The following ZNF831 variants were observed in gnomAD, a reference collection of about 807,000 sequenced individuals.
The protein encoded by ZNF831 is zinc finger protein 831, also known as chromosome 20 open reading frame 174.
In ZNF831, 59 loss-of-function variants were observed where a neutral mutation model predicts 95.8. The ratio of observed to expected loss-of-function variants is 0.62; its 90% CI spans 0.50 to 0.77. ZNF831 has a LOEUF of 0.77. Among genes scored for constraint, ZNF831 ranks in the 30% least tolerant of loss-of-function variants. The pLI, the probability that ZNF831 is intolerant of heterozygous loss-of-function variation, is 0.00. For missense variants in ZNF831, 2,205 were observed against 2,164.0 expected (o/e 1.02, Z -0.38); for synonymous variants, 961 against 925.5 (o/e 1.04, Z -0.70).
At chr20:59,172,411 C>T (rs115675858) in intron 1 of ZNF831, among the ~76,000 whole-genome samples, 49 of 152,332 alleles carry the variant, frequency 3.2e-4, no homozygotes, top group African/African-American at 1.1e-3. Flanking sequence ...GTGTCCCCTA[C>T]AGCTCTTCCT....
In ZNF831 at chr20:59,191,124, G is replaced by T. The variant is rs2146542942; in HGVS notation, c.105G>T (p.Leu35=). The T allele has an allele frequency of 6.3e-7, 1 of 1,597,512 alleles. No homozygotes were observed. The change falls in exon 2 of 6, where the codon CTG becomes CTT. Residue 35 remains leucine, a synonymous_variant. Transcript: ENST00000371030. The part of the protein sequence containing the change: ...GAPGGQASPH[L]TLGPVLLPPE... ...CAGGTGGCCAGGCCTCACCTCACCTGACCCTGGGCCCTGTCCTTCTGCCGC... is the reference window on the plus strand; with the variant it reads ...CAGGTGGCCAGGCCTCACCTCACCTTACCCTGGGCCCTGTCCTTCTGCCGC...
intron 1 of ZNF831, among the ~76,000 whole-genome samples, chr20:59,188,361 T>C (rs1213207606): frequency 6.6e-6 from 1 of 152,230 alleles, no homozygotes; most frequent in Non-Finnish European, 1.5e-5. Flanking sequence ...CCATGGTTGG[T>C]GTGAAGTCCT....
chr20:59,254,176 T>C lies in ZNF831; in HGVS notation c.4467T>C (p.Ser1489=), dbSNP rs1442336404. ...TTCCCCACCATGACATTGCTACCTC[T>C]GTGGCTGCCGTTTGTATTTCTCTGC... ...GTFPHHDIAT[S]VAAVCISLPV... is the part of the protein sequence containing the mutation. Residue 1489 remains serine (S), a synonymous_variant, in exon 6 of 6, where the codon TCT becomes TCC. Coordinates refer to ENST00000371030, the MANE Select transcript of ZNF831 (RefSeq NM_178457.3). This position sits in a 1 kb window ranked among gnomAD's most constrained non-coding sequence, Gnocchi z 4.5. The C allele has an allele frequency of 1.9e-6, 3 of 1,614,002 alleles. No homozygotes were observed. The highest frequency in any genetic ancestry group is 2.5e-6 in the Non-Finnish European group (3 of 1,180,032).
intron 4 of ZNF831, among the ~76,000 whole-genome samples, chr20:59,215,976 G>T (rs187617673): frequency 1.3e-5 from 2 of 152,168 alleles, no homozygotes; most frequent in African/African-American, 4.8e-5. Flanking sequence ...GGAAGTGTTA[G>T]GGAAGCATTC....
At chr20:59,188,002 C>T (rs766836002) in intron 1 of ZNF831, among the ~76,000 whole-genome samples, 2 of 152,166 alleles carry the variant, frequency 1.3e-5, no homozygotes, top group Admixed American at 6.5e-5. Context: ...TGGCTGATTA[C>T]GATTCTACGG....
At chr20:59,177,778 G>A (rs552474504) in intron 1 of ZNF831, among the ~76,000 whole-genome samples, 1 of 152,326 alleles carries the variant, frequency 6.6e-6, no homozygotes, top group East Asian at 1.9e-4. Flanking sequence ...CAGAAGCAGA[G>A]CAGAAGCGTG....
At chr20:59,215,765 T>G (rs552267475) in intron 4 of ZNF831, among the ~76,000 whole-genome samples, 29 of 152,328 alleles carry the variant, frequency 1.9e-4, no homozygotes, top group South Asian at 1.0e-3. Context: ...TAGGTGCACT[T>G]ACAAAAAAAC....
chr20:59,220,900 G>A (rs1986032582), intron 4 of ZNF831, among the ~76,000 whole-genome samples: 1 of 152,074 alleles, frequency 6.6e-6, no homozygotes, highest in African/African-American at 2.4e-5. Flanking sequence ...CTAGTTCTTT[G>A]GGCAAAATTT....
At position 59,254,308 on chromosome 20, in the gene ZNF831, C is replaced by A. The variant is rs2146767597; in HGVS notation, c.4599C>A (p.Val1533=). The A allele has an allele frequency of 6.2e-7, 1 of 1,614,060 alleles. No homozygotes were observed. The highest frequency in any genetic ancestry group is 8.5e-7 in the Non-Finnish European group (1 of 1,179,986). ...TLTSSSPDSK[V]TEEGRAQTLL... ...CATCAAGCTCCCCAGACAGCAAAGT[C>A]ACAGAAGAGGGCAGAGCACAGACCC... is the stretch of plus-strand genomic sequence containing the variant. Residue 1533 remains valine (V), a synonymous_variant, in exon 6 of 6, where the codon GTC becomes GTA. Transcript: ENST00000371030. The surrounding 1 kb of genome is among the most constrained non-coding windows in gnomAD (Gnocchi z 4.5).
At chr20:59,123,736 T>C (rs752955435) in intron 1 of ZNF831, among the ~76,000 whole-genome samples, 1 of 152,152 alleles carries the variant, frequency 6.6e-6, no homozygotes, top group African/African-American at 2.4e-5. Context: ...GGGAGTGGGC[T>C]ACCCATTAAT....
chr20:59,197,137 A>T (rs1294408591), intron 3 of ZNF831, among the ~76,000 whole-genome samples: 1 of 151,590 alleles, frequency 6.6e-6, no homozygotes, highest in East Asian at 1.9e-4. Flanking sequence ...CAAATTCCTA[A>T]CTTTCCCCTG....
At chr20:59,180,288 A>G (rs1982510004) in intron 1 of ZNF831, among the ~76,000 whole-genome samples, 1 of 152,048 alleles carries the variant, frequency 6.6e-6, no homozygotes, top group South Asian at 2.1e-4. Flanking sequence ...GGGTCTCACT[A>G]TGTTGCCCAG....
In ZNF831 at chr20:59,193,685, C is replaced by A. The variant is rs1983819021; in HGVS notation, c.2666C>A (p.Ala889Asp). The A allele has an allele frequency of 6.2e-7, 1 of 1,613,044 alleles. No individual in the cohort carries two copies. Among genetic ancestry groups the A allele is most frequent in the Non-Finnish European group, 8.5e-7 (1 of 1,179,756 alleles). The change falls in exon 2 of 6, where the codon GCT (alanine) becomes GAT (aspartate). Residue 889 changes from alanine (A) to aspartate (D), a missense_variant. Coordinates refer to ENST00000371030, the MANE Select transcript of ZNF831 (RefSeq NM_178457.3). ...PLESSGASLA[A>D]ASVALKRVGP... is the part of the protein sequence containing the mutation. ...GAGTCCTCTGGAGCCTCCTTGGCTG[C>A]TGCTTCTGTTGCCCTGAAGAGGGTG...
intron 4 of ZNF831, 104 bp downstream of exon 4, chr20:59,207,160 C>T: frequency 1.4e-6 from 2 of 1,420,140 alleles, no homozygotes; most frequent in Non-Finnish European, 1.9e-6. Context: ...CCCCAAGTGC[C>T]ACAGGGGTCA....
Position 59,193,562 on chromosome 20 carries a change from CG to C in ZNF831, c.2544del (p.Gln849SerfsTer46). On this transcript the variant is annotated frameshift_variant, in exon 2 of 6. Transcript: ENST00000371030. LOFTEE classifies it high-confidence loss of function. Reference protein sequence around the residue: ...PVSAETPGGPTQPASLSSQKQ... With the variant: ...PVSAETPGGPXQPASLSSQKQ... Reference sequence around the variant, plus strand: ...AGCGCAGAGACCCCAGGTGGGCCCACGCAGCCTGCCTCTTTGTCATCCCAGA... The same window carrying C: ...AGCGCAGAGACCCCAGGTGGGCCCACCAGCCTGCCTCTTTGTCATCCCAGA... 6.2e-7 allele frequency: 1 copy of C among 1,605,706 alleles called. No homozygotes were observed. The highest frequency in any genetic ancestry group is 8.5e-7 in the Non-Finnish European group (1 of 1,176,180).
In ZNF831 at chr20:59,194,674, G is replaced by A. The variant is rs763744534; in HGVS notation, c.3655G>A (p.Glu1219Lys). 15 of 1,612,830 alleles carry A rather than the reference G, an allele frequency of 9.3e-6. No individual in the cohort carries two copies. The highest frequency in any genetic ancestry group is 1.3e-5 in the Non-Finnish European group (15 of 1,179,552). ...CTTTCCTGGTAGCAGCCTCCGAGATGAGGGTCCCAATGGCCCTCCTGGGAG... is the reference window on the plus strand; with the variant it reads ...CTTTCCTGGTAGCAGCCTCCGAGATAAGGGTCCCAATGGCCCTCCTGGGAG... ...VHFPGSSLRDEGPNGPPGSNG... is the reference protein window; with the variant it reads ...VHFPGSSLRDKGPNGPPGSNG... The change falls in exon 2 of 6, where the codon GAG (glutamate) becomes AAG (lysine). Residue 1219 changes from glutamate (E) to lysine (K), a missense_variant. Transcript: ENST00000371030.
At chr20:59,155,572 T>C (rs1400489069) in intron 2 of ZNF831, among the ~76,000 whole-genome samples, 1 of 152,216 alleles carries the variant, frequency 6.6e-6, no homozygotes. Flanking sequence ...TGCTAAATCT[T>C]ACTGGGAATG....
rs1988144934 is a variant in ZNF831, at chr20:59,255,654, G to T, written c.*911G>T. 1 of 152,176 alleles carries T rather than the reference G, an allele frequency of 6.6e-6. No homozygotes were observed. The highest frequency in any genetic ancestry group is 6.5e-5 in the Admixed American group (1 of 15,284). The allele number at this position is 152,176 out of a possible 1,614,324, so 9.4% of individuals were successfully genotyped here. A position where few individuals can be genotyped will look rare whatever the true frequency, so the allele number is the denominator to read the frequency against. Reference sequence around the variant, plus strand: ...ATTTCAATTAGAGGGTTACATTTTAGTAATCTGTACAGCTTCAACTGATGC... The same window carrying T: ...ATTTCAATTAGAGGGTTACATTTTATTAATCTGTACAGCTTCAACTGATGC... On this transcript the variant is annotated 3_prime_UTR_variant, in exon 6 of 6. Transcript: ENST00000371030.
chr20:59,134,297 G>A (rs1293524756), intron 1 of ZNF831, among the ~76,000 whole-genome samples: 2 of 152,174 alleles, frequency 1.3e-5, no homozygotes, highest in African/African-American at 4.8e-5. Flanking sequence ...TTGTGTCCTT[G>A]TTCGGTTATT....
Sources: allele counts gnomAD v4.1 joint callset (sites outside exome capture counted in the v4.1 genomes callset), GRCh38; gene constraint gnomAD v4.1.1; non-coding constraint Gnocchi (gnomAD v3.1); transcripts MANE v1.5; gene names NCBI Gene and HGNC (gene_info 2026-07-23, HGNC 2026-07-21).